Variants in TMEM38B observed in about 807,000 individuals in gnomAD.
The protein encoded by TMEM38B is transmembrane protein 38B, also known as trimeric intracellular cation channel type B.
Under a neutral mutation model 28.7 loss-of-function variants are expected in TMEM38B, and 24 were observed. The observed-to-expected ratio is 0.84, with a 90% CI of 0.61 to 1.18. The LOEUF is 1.18. Among genes scored for constraint, TMEM38B ranks in the 50% most tolerant of loss-of-function variants. The pLI, the probability that TMEM38B is intolerant of heterozygous loss-of-function variation, is 0.00. For synonymous variants in TMEM38B, 131 were observed against 127.7 expected (o/e 1.03, Z -0.17); for missense variants, 380 against 350.9 (o/e 1.08, Z -0.66).
Position 105,733,465 on chromosome 9 carries a change from G to C in TMEM38B, c.542+10844G>C, listed in dbSNP as rs1377821831. On this transcript the variant is annotated intron_variant, in intron 4 of 5. Coordinates refer to ENST00000374692, the MANE Select transcript of TMEM38B (RefSeq NM_018112.3). Reference sequence around the variant, plus strand: ...GTGTCTTTGTCTGTATTAGGCATGAGCTGATGATGGCCTCTGAAAGTGTGT... The same window carrying C: ...GTGTCTTTGTCTGTATTAGGCATGACCTGATGATGGCCTCTGAAAGTGTGT... Among the ~76,000 whole-genome samples the C allele has an allele frequency of 2.8e-5, 4 of 144,356 alleles. No homozygotes were observed. In the East Asian group the frequency reaches 8.6e-4, roughly 31 times the overall value. The allele number at this position is 144,356 out of a possible 152,430, so 94.7% of individuals were successfully genotyped here. A position where few individuals can be genotyped will look rare whatever the true frequency, so the allele number is the denominator to read the frequency against.
intron 5 of TMEM38B, chr9:105,758,836 A>G: frequency 1.1e-6 from 1 of 931,042 alleles, no homozygotes; most frequent in Non-Finnish European, 1.8e-6. Flanking sequence ...ATCAATGAAG[A>G]TCAAGAAAAT....
intron 4 of TMEM38B, among the ~76,000 whole-genome samples, chr9:105,739,505 CTG>C (rs1837112726): frequency 6.6e-6 from 1 of 152,084 alleles, no homozygotes; most frequent in Admixed American, 6.6e-5. Flanking sequence ...GGAATTATTG[CTG>C]TCTTATAACA....
chr9:105,708,038 T>C (rs1835745406), intron 2 of TMEM38B, among the ~76,000 whole-genome samples: 1 of 152,196 alleles, frequency 6.6e-6, no homozygotes, highest in Admixed American at 6.5e-5. Flanking sequence ...GTTCCTATAA[T>C]ACTAACCTCC....
At chr9:105,738,829 C>T (rs993921239) in intron 4 of TMEM38B, among the ~76,000 whole-genome samples, 50 of 151,218 alleles carry the variant, frequency 3.3e-4, no homozygotes, top group Admixed American at 6.6e-4. Flanking sequence ...GCAATCCCCC[C>T]GTCTCAGCCT....
intron 4 of TMEM38B, among the ~76,000 whole-genome samples, chr9:105,742,738 G>A (rs921773671): frequency 6.6e-6 from 1 of 152,158 alleles, no homozygotes; most frequent in African/African-American, 2.4e-5. Flanking sequence ...CCAAGGTGAT[G>A]CGCATAATGA....
At chr9:105,756,101 A>G (rs1286950244) in intron 5 of TMEM38B, among the ~76,000 whole-genome samples, 1 of 152,186 alleles carries the variant, frequency 6.6e-6, no homozygotes, top group Non-Finnish European at 1.5e-5. Context: ...GTGAGCCGAG[A>G]TCGCGCCATT....
chr9:105,729,716 A>T (rs909938352), intron 4 of TMEM38B, among the ~76,000 whole-genome samples: 6 of 152,130 alleles, frequency 3.9e-5, no homozygotes, highest in Non-Finnish European at 7.4e-5. Context: ...CCCATGAGCA[A>T]GGAATGTTCT....
chr9:105,754,287 TGATA>T (rs1837758078), intron 5 of TMEM38B, among the ~76,000 whole-genome samples: 1 of 152,172 alleles, frequency 6.6e-6, no homozygotes, highest in Non-Finnish European at 1.5e-5. Flanking sequence ...CAAGCAGAGC[TGATA>T]GATATCTACG....
intron 4 of TMEM38B, among the ~76,000 whole-genome samples, chr9:105,729,342 T>G (rs906227728): frequency 3.3e-5 from 5 of 152,214 alleles, no homozygotes; most frequent in African/African-American, 4.8e-5. Flanking sequence ...TAGGGAATCC[T>G]TTCTCCATTG....
At chr9:105,744,116 G>T (rs1219768606) in intron 4 of TMEM38B, among the ~76,000 whole-genome samples, 3 of 151,386 alleles carry the variant, frequency 2.0e-5, no homozygotes, top group Admixed American at 6.6e-5. Flanking sequence ...CCATGGGTTG[G>T]GATAAAATAT....
chr9:105,708,600 A>T lies in TMEM38B; in HGVS notation c.269+2847A>T, dbSNP rs533704575. 8.5e-5 allele frequency among the ~76,000 whole-genome samples: 13 copies of T among 152,264 alleles called. No homozygotes were observed. In the South Asian group the frequency reaches 1.2e-3, roughly 15 times the overall value. On this transcript the variant is annotated intron_variant, in intron 2 of 5. Coordinates refer to ENST00000374692, the MANE Select transcript of TMEM38B (RefSeq NM_018112.3). Reference sequence around the variant, plus strand: ...CTTTTATGTAACGTCTTACAACTCTATTCTTGCTCAGTTTGCTCTAGTCAC... The same window carrying T: ...CTTTTATGTAACGTCTTACAACTCTTTTCTTGCTCAGTTTGCTCTAGTCAC...
rs1400219280 is a variant in TMEM38B at position 105,773,972 on chromosome 9, G to T, written c.768G>T (p.Lys256Asn). ...GWQQPFSSCE[K>N]KSEAKSPSNG... is the part of the protein sequence containing the mutation. ...AGCAGCCGTTTTCATCATGTGAGAA[G>T]AAAAGTGAAGCAAAGTCACCTTCCA... Residue 256 changes from lysine to asparagine, a missense_variant, in exon 6 of 6, where the codon AAG (lysine) becomes AAT (asparagine). Physicochemically the swap from Lys to Asn is moderately conservative, Grantham distance 94. Transcript: ENST00000374692. The T allele has an allele frequency of 1.2e-6, 2 of 1,613,654 alleles. No homozygotes were observed. Among genetic ancestry groups the T allele is most frequent in the Admixed American group, 3.3e-5 (2 of 59,896 alleles).
Position 105,774,025 on chromosome 9 carries a change from C to T in TMEM38B, c.821C>T (p.Pro274Leu), listed in dbSNP as rs778408361. The change falls in exon 6 of 6, where the codon CCG becomes CTG. Residue 274 changes from proline (P) to leucine (L), a missense_variant. Pro to Leu is a moderately conservative substitution (Grantham distance 98). Coordinates refer to ENST00000374692, the MANE Select transcript of TMEM38B (RefSeq NM_018112.3). ...GGCGTTGGGTCATTGGCCTCAAAGC[C>T]GGTAGATGTTGCCTCAGATAATGTT... is the stretch of plus-strand genomic sequence containing the variant. ...SNGVGSLASK[P>L]VDVASDNVKK... 41 of 1,613,576 alleles carry T rather than the reference C, an allele frequency of 2.5e-5. No individual in the cohort carries two copies. Among genetic ancestry groups the T allele is most frequent in the South Asian group, 4.4e-5 (4 of 91,058 alleles).
At chr9:105,728,476 T>C (rs1212858975) in intron 4 of TMEM38B, among the ~76,000 whole-genome samples, 2 of 152,216 alleles carry the variant, frequency 1.3e-5, no homozygotes, top group Admixed American at 6.5e-5. Context: ...CCACATTTTA[T>C]CCAGGTTATT....
intron 2 of TMEM38B, among the ~76,000 whole-genome samples, 164 bp downstream of exon 2, chr9:105,705,917 T>C (rs1835645603): frequency 1.3e-5 from 2 of 151,954 alleles, no homozygotes; most frequent in Non-Finnish European, 2.9e-5. Context: ...TTTTTTTTTT[T>C]TGAGACGGAG....
In TMEM38B at chr9:105,776,259, C is replaced by G. The variant is rs1826716975; in HGVS notation, c.*2179C>G. On this transcript the variant is annotated 3_prime_UTR_variant, in exon 6 of 6. Coordinates refer to ENST00000374692, the MANE Select transcript of TMEM38B (RefSeq NM_018112.3). ...CAGCTTCCCTCAGTGCTGTCACTCTCAAGTAAAACATGGCCAAATGAATAT... is the reference window on the plus strand; with the variant it reads ...CAGCTTCCCTCAGTGCTGTCACTCTGAAGTAAAACATGGCCAAATGAATAT... 2 of 151,862 alleles carry G rather than the reference C, an allele frequency of 1.3e-5. No homozygotes were observed. Among genetic ancestry groups the G allele is most frequent in the Non-Finnish European group, 1.5e-5 (1 of 67,974 alleles). The allele number at this position is 151,862 out of a possible 1,614,324, so 9.4% of individuals were successfully genotyped here.
intron 5 of TMEM38B, among the ~76,000 whole-genome samples, chr9:105,771,304 G>C (rs1826536138): frequency 1.3e-5 from 2 of 152,074 alleles, no homozygotes; most frequent in African/African-American, 2.4e-5. Context: ...GTTAAATCAA[G>C]GTCTGATAAG....
At chr9:105,718,383 C>T (rs764091742) in intron 2 of TMEM38B, among the ~76,000 whole-genome samples, 27 of 151,964 alleles carry the variant, frequency 1.8e-4, no homozygotes, top group South Asian at 4.2e-4. Context: ...GGATTATAGG[C>T]GCCCGCCACC....
At chr9:105,734,107 T>G (rs10120813) in intron 4 of TMEM38B, among the ~76,000 whole-genome samples, 1,577 of 152,286 alleles carry the variant, frequency 0.01, 25 homozygotes, top group African/African-American at 0.036. Flanking sequence ...AGACCCACTT[T>G]TGCTGCATCA....
Sources: allele counts gnomAD v4.1 joint callset (sites outside exome capture counted in the v4.1 genomes callset), GRCh38; gene constraint gnomAD v4.1.1; transcripts MANE v1.5; gene names NCBI Gene and HGNC (gene_info 2026-07-23, HGNC 2026-07-21).